CA4: variants seen among roughly 807,000 people sequenced by gnomAD.
CA4 encodes the protein carbonic anhydrase 4.
CA4 carries 24 observed loss-of-function variants against 34.5 expected under a neutral mutation model. The observed-to-expected ratio is 0.70, with a 90% CI of 0.50 to 0.98. The LOEUF (loss-of-function observed/expected upper bound fraction) is 0.98, where lower values mean the gene tolerates loss of function less well. Ranked by LOEUF, CA4 falls within the 50% of genes least tolerant of loss-of-function variation. The pLI is 0.00. For missense variants in CA4, 394 were observed against 396.7 expected (o/e 0.99, Z 0.06); for synonymous variants, 178 against 170.6 (o/e 1.04, Z -0.34).
rs1260874001 is a variant in CA4 at position 60,159,303 on chromosome 17, T to G, written c.818T>G (p.Leu273Arg). 9 of 1,610,014 alleles carry G rather than the reference T, an allele frequency of 5.6e-6. No homozygotes were observed. The highest frequency in any genetic ancestry group is 7.6e-6 in the Non-Finnish European group (9 of 1,178,116). ...AGCATGAAGGACAATGTCAGGCCCC[T>G]GCAGCAGCTGGGGCAGCGCACGGTG... ...TVSMKDNVRP[L>R]QQLGQRTVIK... The change falls in exon 8 of 8, where the codon CTG (leucine) becomes CGG (arginine). Residue 273 changes from leucine (L) to arginine (R), a missense_variant. Leu to Arg is a moderately radical substitution (Grantham distance 102, BLOSUM62 -2). Transcript: ENST00000300900.
chr17:60,150,195 C>A, intron 1 of CA4, 103 bp downstream of exon 1: 1 of 1,012,924 alleles, frequency 9.9e-7, no homozygotes, highest in South Asian at 1.4e-5. Flanking sequence ...CGGTGAGCGT[C>A]GGTGGCGCTG....
chr17:60,168,832 TTGAG>T lies in CA4; in HGVS notation c.*179-1718_*179-1715del, dbSNP rs1250086825. On this transcript the variant is annotated intron_variant and NMD_transcript_variant, in intron 5 of 5. Transcript: ENST00000586876. ...CCCTCTGGAGGCTGCCATCAGTACT[TTGAG>T]GGAGAGTGGGTCTTTGCAGGGGGAT... is the stretch of plus-strand genomic sequence containing the variant. Among the ~76,000 whole-genome samples, 3 of 152,052 alleles carry T rather than the reference TTGAG, an allele frequency of 2.0e-5. No individual in the cohort carries two copies. In the East Asian group the frequency reaches 5.8e-4, roughly 29 times the overall value.
Position 60,156,668 on chromosome 17 carries a change from G to A in CA4, c.221G>A (p.Gly74Asp). The A allele has an allele frequency of 6.2e-7, 1 of 1,614,116 alleles. No homozygotes were observed. Among genetic ancestry groups the A allele is most frequent in the Non-Finnish European group, 8.5e-7 (1 of 1,179,962 alleles). The change falls in exon 3 of 8, where the codon GGC (glycine) becomes GAC (aspartate). Residue 74 changes from glycine to aspartate, a missense_variant. By Grantham distance (94) the Gly-to-Asp change is moderately conservative. Coordinates refer to ENST00000300900, the MANE Select transcript of CA4 (RefSeq NM_000717.5). The part of the protein sequence containing the change: ...DKKLGRFFFS[G>D]YDKKQTWTVQ... ...AAACTGGGACGCTTCTTCTTCTCTG[G>A]CTACGATAAGAAGCAAACGTGGACT...
At chr17:60,159,940 G>T (rs1381325226), downstream of CA4, among the ~76,000 whole-genome samples, 1 of 152,216 alleles carries the variant, frequency 6.6e-6, no homozygotes, top group East Asian at 1.9e-4. Context: ...TGGAGTTCAA[G>T]ACCAGCCTAG....
chr17:60,156,470 G>C, intron 2 of CA4, 90 bp from the exon 3 acceptor site: 1 of 1,304,196 alleles, frequency 7.7e-7, no homozygotes, highest in South Asian at 1.2e-5. Context: ...TGTGGGAACT[G>C]AGTGGGTGGG....
chr17:60,157,632 C>T (rs537439330), intron 4 of CA4, 58 bp from the exon 5 acceptor site: 1 of 1,613,614 alleles, frequency 6.2e-7, no homozygotes, highest in Admixed American at 1.7e-5. Context: ...CTGCCTTGGG[C>T]AAGGAGGGTA....
chr17:60,163,103 G>T (rs563508622), downstream of CA4, among the ~76,000 whole-genome samples: 7 of 151,952 alleles, frequency 4.6e-5, no homozygotes, highest in South Asian at 1.5e-3. Flanking sequence ...TTGCACACTT[G>T]CTGGCCCTGC....
At chr17:60,172,716 C>A (rs901758891), downstream of CA4, among the ~76,000 whole-genome samples, 1 of 151,746 alleles carries the variant, frequency 6.6e-6, no homozygotes, top group Non-Finnish European at 1.5e-5. Context: ...TGGTGGCGTG[C>A]GGCTGCAATC....
intron 5 of CA4, among the ~76,000 whole-genome samples, chr17:60,170,375 C>T (rs1336299636): frequency 6.6e-6 from 1 of 152,176 alleles, no homozygotes; most frequent in Non-Finnish European, 1.5e-5. Flanking sequence ...GACTCCTGTC[C>T]TTCCCATCCC....
chr17:60,168,127 C>T (rs2083873367), intron 5 of CA4, among the ~76,000 whole-genome samples: 1 of 150,896 alleles, frequency 6.6e-6, no homozygotes, highest in South Asian at 2.1e-4. Context: ...GGCAACCACT[C>T]AGCCTCTGGG....
intron 5 of CA4, among the ~76,000 whole-genome samples, chr17:60,168,218 G>A (rs956546423): frequency 5.8e-5 from 7 of 120,868 alleles, no homozygotes; most frequent in African/African-American, 2.2e-4. Flanking sequence ...TTGGGGGGGC[G>A]TGGGGAAGGG....
At chr17:60,165,684 C>A (rs1185202948) in intron 5 of CA4, among the ~76,000 whole-genome samples, 1 of 152,176 alleles carries the variant, frequency 6.6e-6, no homozygotes, top group Non-Finnish European at 1.5e-5. Flanking sequence ...CAAGCCTATC[C>A]TGTGTAGAGT....
rs747010234 is a variant in CA4, at chr17:60,157,616, G to A, written c.414+44G>A. 2.1e-5 allele frequency: 34 copies of A among 1,614,068 alleles called. 1 individual carries two copies. Among genetic ancestry groups the A allele is most frequent in the Middle Eastern group, 3.3e-4 (2 of 6,062 alleles). ...CTGGGACCTTGTCTGGGCTCTGGGCGCGCACCTGCCTTGGGCAAGGAGGGT... is the reference window on the plus strand; with the variant it reads ...CTGGGACCTTGTCTGGGCTCTGGGCACGCACCTGCCTTGGGCAAGGAGGGT... On this transcript the variant is annotated intron_variant, in intron 4 of 7. Coordinates refer to ENST00000300900, the MANE Select transcript of CA4 (RefSeq NM_000717.5).
intron 1 of CA4, among the ~76,000 whole-genome samples, chr17:60,150,668 A>AAAAAAAAAG (rs2083575099): frequency 2.2e-5 from 3 of 135,896 alleles, no homozygotes; most frequent in African/African-American, 9.2e-5. Flanking sequence ...AAAAAAAAAA[A>AAAAAAAAAG]AAAAAAAAAA....
chr17:60,162,073 C>T (rs746999585), downstream of CA4, among the ~76,000 whole-genome samples: 1 of 152,140 alleles, frequency 6.6e-6, no homozygotes, highest in Non-Finnish European at 1.5e-5. Context: ...TAAATCCGGC[C>T]AGCAGGAGCC....
chr17:60,173,092 G>A (rs544236113), downstream of CA4, among the ~76,000 whole-genome samples: 188 of 152,030 alleles, frequency 1.2e-3, 1 homozygote, highest in African/African-American at 4.3e-3. Context: ...GTAGTGAGCT[G>A]GGATCGCTCC....
downstream of CA4, among the ~76,000 whole-genome samples, chr17:60,173,947 G>A (rs764720036): frequency 2.6e-5 from 4 of 152,194 alleles, no homozygotes; most frequent in Non-Finnish European, 4.4e-5. Context: ...AGCTCTGTAC[G>A]TGGTAGGTGC....
chr17:60,163,244 A>G (rs1309313187), downstream of CA4, among the ~76,000 whole-genome samples: 1 of 152,012 alleles, frequency 6.6e-6, no homozygotes, highest in African/African-American at 2.4e-5. Flanking sequence ...GCCGTGTCTT[A>G]AAACTCCAGG....
intron 2 of CA4, among the ~76,000 whole-genome samples, chr17:60,156,006 C>T (rs1012653349): frequency 6.6e-6 from 1 of 152,124 alleles, no homozygotes; most frequent in Non-Finnish European, 1.5e-5. Flanking sequence ...CTGACCCTGG[C>T]CCACCTGGTG....
Sources: allele counts gnomAD v4.1 joint callset (sites outside exome capture counted in the v4.1 genomes callset), GRCh38; gene constraint gnomAD v4.1.1; transcripts MANE v1.5; gene names NCBI Gene and HGNC (gene_info 2026-07-23, HGNC 2026-07-21).